The following ATAD5 variants were observed in gnomAD, a reference collection of about 807,000 sequenced individuals.
ATAD5 encodes ATPase family AAA domain containing 5.
In ATAD5, 58 loss-of-function variants were observed where a neutral mutation model predicts 176.9. The observed-to-expected ratio is 0.33, with a 90% CI of 0.27 to 0.41. The LOEUF (loss-of-function observed/expected upper bound fraction) is 0.41, where lower values mean the gene tolerates loss of function less well. ATAD5 is among the 10% of genes least tolerant of loss of function. The pLI is 1.00. For missense variants in ATAD5, 1,789 were observed against 2,094.1 expected, an observed-to-expected ratio of 0.85 and a Z score of 2.84; for synonymous variants, 640 against 712.6, an observed-to-expected ratio of 0.90 and a Z score of 1.62.
In ATAD5 at chr17:30,856,894, A is replaced by G. The variant is rs1185844933; in HGVS notation, c.2636-61A>G. 10 of 1,397,840 alleles carry G rather than the reference A, an allele frequency of 7.2e-6. No individual in the cohort carries two copies. The South Asian group carries it at 1.3e-4, about 18-fold the overall frequency. The allele number at this position is 1,397,840 out of a possible 1,614,324, so 86.6% of individuals were successfully genotyped here. On this transcript the variant is annotated intron_variant, in intron 7 of 22. Coordinates refer to ENST00000321990, the MANE Select transcript of ATAD5 (RefSeq NM_024857.5). Reference sequence around the variant, plus strand: ...AACTTTTCATGTTTACGTATTTGACATTCAGTAAATGGATAGTGTATAAAT... The same window carrying G: ...AACTTTTCATGTTTACGTATTTGACGTTCAGTAAATGGATAGTGTATAAAT...
intron 1 of ATAD5, among the ~76,000 whole-genome samples, chr17:30,833,595 C>T (rs1367655278): frequency 6.6e-6 from 1 of 152,196 alleles, no homozygotes. Context: ...TTAGATTTGC[C>T]TGACTCCAGA....
intron 8 of ATAD5, 33 bp from the exon 9 acceptor site, chr17:30,858,128 G>A: frequency 1.4e-6 from 2 of 1,451,830 alleles, no homozygotes; most frequent in Non-Finnish European, 1.8e-6. Context: ...GATGATGTTG[G>A]TCTGTTATTG....
chr17:30,840,006 C>G (rs1229077231), intron 3 of ATAD5, among the ~76,000 whole-genome samples: 1 of 151,896 alleles, frequency 6.6e-6, no homozygotes, highest in African/African-American at 2.4e-5. Context: ...TGAGACCAGC[C>G]TGGCCAACAT....
At chr17:30,890,285 C>T (rs1283431011) in intron 19 of ATAD5, among the ~76,000 whole-genome samples, 1 of 152,146 alleles carries the variant, frequency 6.6e-6, no homozygotes, top group East Asian at 1.9e-4. Context: ...TAATACATAA[C>T]ACATGGAAAA....
At chr17:30,863,128 T>A (rs531159359) in intron 10 of ATAD5, 1 of 152,350 alleles carries the variant, frequency 6.6e-6, no homozygotes, top group East Asian at 1.9e-4. Context: ...AGGTTAAGGC[T>A]GCAGTGAGCC....
At chr17:30,878,754 CAG>C (rs1203291804) in intron 17 of ATAD5, among the ~76,000 whole-genome samples, 3 of 58,776 alleles carry the variant, frequency 5.1e-5, no homozygotes, top group African/African-American at 1.7e-4. Context: ...TTTTTGGAGA[CAG>C]AGTCTCACTC....
intron 6 of ATAD5, among the ~76,000 whole-genome samples, chr17:30,852,249 A>T (rs965449430): frequency 6.6e-6 from 1 of 152,168 alleles, no homozygotes; most frequent in African/African-American, 2.4e-5. Flanking sequence ...TAATTTGGCC[A>T]GTGTGAGCTC....
chr17:30,863,771 TCTC>T (rs1234171924), intron 10 of ATAD5: 2 of 147,270 alleles, frequency 1.4e-5, no homozygotes, highest in African/African-American at 5.1e-5. Context: ...TTCAAGCTAT[TCTC>T]CTGCCTCAGC....
intron 4 of ATAD5, 136 bp from the exon 5 acceptor site, chr17:30,843,777 T>G: frequency 4.8e-5 from 21 of 441,230 alleles, no homozygotes; most frequent in Non-Finnish European, 5.5e-5. Context: ...TCTGTTTCAA[T>G]GAGATAATAT....
In ATAD5 at chr17:30,895,364, A is replaced by C. The variant is rs544349630; in HGVS notation, c.*451A>C. The stretch of plus-strand genomic sequence containing the variant: ...ATCTGGTGAATTATATTTTTAACCT[A>C]AAAGTTAAGGATCCTCATATTGTAC... On this transcript the variant is annotated 3_prime_UTR_variant, in exon 23 of 23. Transcript: ENST00000321990. 6.6e-6 allele frequency: 1 copy of C among 151,800 alleles called. No individual in the cohort carries two copies. Among genetic ancestry groups the C allele is most frequent in the East Asian group, 1.9e-4 (1 of 5,180 alleles). The allele number at this position is 151,800 out of a possible 1,614,324, so 9.4% of individuals were successfully genotyped here.
rs1909829499 is a variant in ATAD5, at chr17:30,894,835, A to G, written c.5457A>G (p.Arg1819=). 1.3e-6 allele frequency: 2 copies of G among 1,581,918 alleles called. No homozygotes were observed. Among genetic ancestry groups the G allele is most frequent in the Middle Eastern group, 3.4e-4 (2 of 5,884 alleles). ...GTATTTTTCTTTGTAATTTTGACAG[A>G]TTCCTGCACTATTTTGAAGGAATTC... ...KLKEQGKSKR[R]FLHYFEGIHL... Residue 1819 remains arginine, a splice_region_variant and synonymous_variant, in exon 23 of 23, where the codon AGA becomes AGG. Transcript: ENST00000321990.
chr17:30,856,247 G>A (rs775857502), intron 7 of ATAD5, among the ~76,000 whole-genome samples: 6 of 152,092 alleles, frequency 3.9e-5, no homozygotes, highest in Non-Finnish European at 8.8e-5. Flanking sequence ...TACATATCTA[G>A]TTTAATCCTG....
At chr17:30,884,749 CTT>C (rs71142006) in intron 18 of ATAD5, among the ~76,000 whole-genome samples, 30,696 of 115,906 alleles carry the variant, frequency 0.26, 5,066 homozygotes, top group African/African-American at 0.52. Context: ...ATTTCTTTTT[CTT>C]TTTTTTTTTT....
At chr17:30,833,766 C>T (rs928968350) in intron 1 of ATAD5, among the ~76,000 whole-genome samples, 5 of 152,170 alleles carry the variant, frequency 3.3e-5, no homozygotes, top group African/African-American at 4.8e-5. Flanking sequence ...CTGCAACCTC[C>T]GCCTCCCAGG....
In ATAD5 at chr17:30,834,354, T is replaced by C. The variant is rs371393187; in HGVS notation, c.273T>C (p.Pro91=). Reference sequence around the variant, plus strand: ...AGATAAAGTCACCTGAATCAGTACCTGTTGACAGCAACAAAGACTGTACGA... The same window carrying C: ...AGATAAAGTCACCTGAATCAGTACCCGTTGACAGCAACAAAGACTGTACGA... ...ECKIKSPESV[P]VDSNKDCTTP... The change falls in exon 2 of 23, where the codon CCT becomes CCC. Residue 91 remains proline (P), a synonymous_variant. Transcript: ENST00000321990. 27 of 1,610,510 alleles carry C rather than the reference T, an allele frequency of 1.7e-5. No homozygotes were observed. The African/African-American group carries it at 3.2e-4, about 19-fold the overall frequency.
At chr17:30,858,444 G>GAGCCAGGTTTGTGCCACT in intron 9 of ATAD5, 121 bp downstream of exon 9, 1 of 674,664 alleles carries the variant, frequency 1.5e-6, no homozygotes, top group Non-Finnish European at 2.1e-6. Context: ...GGAGTGCAGT[G>GAGCCAGGTTTGTGCCACT]GCACAAACCT....
intron 11 of ATAD5, among the ~76,000 whole-genome samples, chr17:30,866,466 G>A (rs1357282753): frequency 2.0e-5 from 3 of 149,358 alleles, no homozygotes; most frequent in Admixed American, 6.6e-5. Context: ...AAAGTGCTGG[G>A]ATTACAGGTG....
intron 4 of ATAD5, among the ~76,000 whole-genome samples, chr17:30,840,984 A>G (rs1266775887): frequency 6.6e-6 from 1 of 151,612 alleles, no homozygotes; most frequent in Non-Finnish European, 1.5e-5. Context: ...TAAGTCACTC[A>G]AGATCTTTCA....
In ATAD5 at chr17:30,868,344, A is replaced by T; in HGVS notation, c.3245A>T (p.Asp1082Val). 6.3e-7 allele frequency: 1 copy of T among 1,581,000 alleles called. No homozygotes were observed. Among genetic ancestry groups the T allele is most frequent in the African/African-American group, 1.4e-5 (1 of 73,240 alleles). ...AIKKLHSWLK[D>V]WKRRAELEER... ...TTTTCTTGTGGCAGTTGGTTGAAAG[A>T]CTGGAAAAGAAGAGCTGAATTGGAA... The change falls in exon 12 of 23, where the codon GAC becomes GTC. Residue 1082 changes from aspartate (D) to valine (V), a missense_variant. Physicochemically the swap from Asp to Val is radical, Grantham distance 152. Around this residue, in one of 6 missense-constraint regions of ATAD5, gnomAD observed 487 missense variants for 573.6 expected, o/e 0.85. Transcript: ENST00000321990.
Sources: gnomAD v4.1 joint callset for allele counts (sites outside exome capture counted in the v4.1 genomes callset) on GRCh38, gnomAD v4.1.1 for gene constraint, gnomAD v4.1.1 regional missense constraint, MANE v1.5 for transcripts, NCBI Gene and HGNC (gene_info 2026-07-23, HGNC 2026-07-21) for gene names.